Variants in NCAM1 observed in about 807,000 individuals in gnomAD.
NCAM1 encodes the protein antigen recognized by monoclonal antibody 5.1H11.
NCAM1 carries 14 observed loss-of-function variants against 109.8 expected under a neutral mutation model. The ratio of observed to expected loss-of-function variants is 0.13; its 90% confidence interval spans 0.08 to 0.20. The LOEUF is 0.20. NCAM1 is among the 10% of genes least tolerant of loss of function. NCAM1 has a pLI of 1.00. For missense variants in NCAM1, 774 were observed against 1,109.9 expected (o/e 0.70, Z 4.30); for synonymous variants, 418 against 442.9 (o/e 0.94, Z 0.70).
intron 1 of NCAM1, among the ~76,000 whole-genome samples, chr11:113,114,712 G>T (rs1940613180): frequency 6.6e-6 from 1 of 152,156 alleles, no homozygotes. Context: ...AAAAAATCCT[G>T]CCTAGCCTGT....
At chr11:113,124,838 C>T (rs868931832) in intron 1 of NCAM1, among the ~76,000 whole-genome samples, 9 of 152,158 alleles carry the variant, frequency 5.9e-5, no homozygotes, top group African/African-American at 1.9e-4. Context: ...GAGCTTGAAT[C>T]GACACTTCTG....
rs984112551 is a variant in NCAM1 at position 113,275,389 on chromosome 11, G to A, written c.*2G>A. The A allele has an allele frequency of 2.5e-6, 4 of 1,611,844 alleles. No individual in the cohort carries two copies. In the Admixed American group the frequency reaches 5.0e-5, roughly 20 times the overall value. ...AAGGAGAACGAGAGCAAAGCATGAT[G>A]GGTGAAGAGAACCGAGCAAAGATCA... On this transcript the variant is annotated 3_prime_UTR_variant, in exon 20 of 20. Transcript: ENST00000316851.
At chr11:113,207,229 C>A in intron 5 of NCAM1, 32 bp from the exon 6 acceptor site, 1 of 1,586,696 alleles carries the variant, frequency 6.3e-7, no homozygotes, top group Non-Finnish European at 8.7e-7. Context: ...CAAATTTTCA[C>A]AACCACCCCA....
chr11:113,039,220 G>A (rs1463192373), intron 1 of NCAM1, among the ~76,000 whole-genome samples: 3 of 152,128 alleles, frequency 2.0e-5, no homozygotes, highest in Non-Finnish European at 4.4e-5. Flanking sequence ...TTTGCAATTG[G>A]CAAACAGAGG....
intron 1 of NCAM1, among the ~76,000 whole-genome samples, chr11:113,015,888 G>A (rs538031346): frequency 6.6e-6 from 1 of 152,112 alleles, no homozygotes; most frequent in Non-Finnish European, 1.5e-5. Context: ...CATAAAAGGA[G>A]GGCATAGAGA....
intron 1 of NCAM1, among the ~76,000 whole-genome samples, chr11:113,161,950 C>T (rs571232046): frequency 2.0e-5 from 3 of 152,244 alleles, no homozygotes; most frequent in Non-Finnish European, 2.9e-5. Flanking sequence ...TGGCTTGGAT[C>T]GCTTCCTGCA....
At chr11:113,086,367 A>C (rs1555088309) in intron 1 of NCAM1, among the ~76,000 whole-genome samples, 1 of 152,102 alleles carries the variant, frequency 6.6e-6, no homozygotes, top group Non-Finnish European at 1.5e-5. Context: ...GACCCCTCAG[A>C]CTCCCTGCCA....
intron 1 of NCAM1, among the ~76,000 whole-genome samples, chr11:112,983,029 C>T (rs2134702153): frequency 6.6e-6 from 1 of 151,996 alleles, no homozygotes; most frequent in East Asian, 1.9e-4. Flanking sequence ...TGAAGATGGG[C>T]AGTTTTCATA....
chr11:113,143,755 G>C (rs1395067453), intron 1 of NCAM1, among the ~76,000 whole-genome samples: 2 of 152,174 alleles, frequency 1.3e-5, no homozygotes, highest in African/African-American at 4.8e-5. Flanking sequence ...TTTTAGTCCT[G>C]ATAAAAACTG....
rs191927775 is a variant in NCAM1 at position 113,208,255 on chromosome 11, T to C, written c.916+253T>C. On this transcript the variant is annotated intron_variant, in intron 7 of 19. Transcript: ENST00000316851. The stretch of plus-strand genomic sequence containing the variant: ...CTTCATTCACTTCTGCTCACAGTAG[T>C]CAGAATGACCTAAGTACCACTCATC... 2.5e-3 allele frequency among the ~76,000 whole-genome samples: 375 copies of C among 152,276 alleles called. 10 individuals are homozygous for C. Among genetic ancestry groups the C allele is most frequent in the South Asian group, 0.022 (107 of 4,828 alleles).
intron 14 of NCAM1, among the ~76,000 whole-genome samples, chr11:113,236,489 G>T (rs1945171387): frequency 6.6e-6 from 1 of 152,160 alleles, no homozygotes; most frequent in South Asian, 2.1e-4. Flanking sequence ...AACGTCTGTA[G>T]GTTACTCCAA....
chr11:113,211,270 C>T (rs1226897530), intron 7 of NCAM1, among the ~76,000 whole-genome samples: 1 of 152,102 alleles, frequency 6.6e-6, no homozygotes, highest in Non-Finnish European at 1.5e-5. Context: ...GAGTCTACAG[C>T]AGTGAGGTAG....
chr11:113,243,596 C>G (rs1555119536), intron 14 of NCAM1: 1 of 518,706 alleles, frequency 1.9e-6, no homozygotes, highest in South Asian at 1.4e-5. Flanking sequence ...CCAAGCTGGT[C>G]TTCATAATGC....
chr11:112,993,847 G>A (rs143134720), intron 1 of NCAM1, among the ~76,000 whole-genome samples: 13 of 152,122 alleles, frequency 8.5e-5, no homozygotes, highest in African/African-American at 3.1e-4. Context: ...CCCTTTCATT[G>A]TCTGCCTATG....
chr11:113,172,208 C>G lies in NCAM1; in HGVS notation c.53-30171C>G, dbSNP rs188823704. Among the ~76,000 whole-genome samples the G allele has an allele frequency of 1.6e-4, 25 of 152,280 alleles. No individual in the cohort carries two copies. In the East Asian group the frequency reaches 4.8e-3, roughly 29 times the overall value. ...ACATAGTACATCTCATCTCTTATTC[C>G]CATTAGGTCCTTAGTTTTGTCCCGT... On this transcript the variant is annotated intron_variant, in intron 1 of 19. Transcript: ENST00000316851.
intron 1 of NCAM1, among the ~76,000 whole-genome samples, chr11:113,049,420 A>C (rs1555081429): frequency 6.6e-6 from 1 of 152,222 alleles, no homozygotes; most frequent in Non-Finnish European, 1.5e-5. Context: ...AAATTAGCCT[A>C]TGTAATGTGT....
chr11:112,995,928 C>T (rs146491475), intron 1 of NCAM1, among the ~76,000 whole-genome samples: 18 of 152,242 alleles, frequency 1.2e-4, no homozygotes, highest in Admixed American at 4.6e-4. Flanking sequence ...GCCTGACCAC[C>T]GGCAGGGCTG....
intron 1 of NCAM1, among the ~76,000 whole-genome samples, chr11:113,051,706 T>G (rs1555081798): frequency 6.6e-6 from 1 of 152,214 alleles, no homozygotes; most frequent in African/African-American, 2.4e-5. Context: ...TGTATTATTT[T>G]TAATGCCTGA....
intron 1 of NCAM1, among the ~76,000 whole-genome samples, chr11:113,173,590 T>TTATATATATATATATATATATATATA: frequency 3.3e-5 from 1 of 30,160 alleles, no homozygotes; most frequent in African/African-American, 1.3e-4. Flanking sequence ...GCATGTTACC[T>TTATATATATATATATATATATATATA]GATATATATA....
Sources: gnomAD v4.1 joint callset for allele counts (sites outside exome capture counted in the v4.1 genomes callset) on GRCh38, gnomAD v4.1.1 for gene constraint, MANE v1.5 for transcripts, NCBI Gene and HGNC (gene_info 2026-07-23, HGNC 2026-07-21) for gene names.